The following RNF38 variants were observed in gnomAD, a reference collection of about 807,000 sequenced individuals.
The protein encoded by RNF38 is ring finger protein 38.
Under a neutral mutation model 67.2 loss-of-function variants are expected in RNF38, and 15 were observed. That is an observed-to-expected ratio of 0.22 (90% confidence interval 0.15 to 0.34). The LOEUF (loss-of-function observed/expected upper bound fraction) is 0.34, where lower values mean the gene tolerates loss of function less well. Among genes scored for constraint, RNF38 ranks in the 10% least tolerant of loss-of-function variants. The pLI is 1.00. For synonymous variants in RNF38, 220 were observed against 218.8 expected (o/e 1.01, Z -0.05); for missense variants, 524 against 639.9 (o/e 0.82, Z 1.95).
chr9:36,414,936 C>A (rs183834225), intron 2 of RNF38, among the ~76,000 whole-genome samples: 4 of 152,164 alleles, frequency 2.6e-5, no homozygotes, highest in Non-Finnish European at 5.9e-5. Flanking sequence ...GTTAATCTGA[C>A]AGGTTTTCCT....
chr9:36,344,900 A>G lies in RNF38; in HGVS notation c.1317T>C (p.Thr439=). ...RLGEAKPRGL[T]KADIEQLPSY... ...AAGGAAGTTGTTCAATATCTGCTTT[A>G]GTCAGTCCACGAGGCTTTGCCTCTC... Residue 439 remains threonine, a synonymous_variant, in exon 10 of 12, where the codon ACT becomes ACC. Coordinates refer to ENST00000259605, the MANE Select transcript of RNF38 (RefSeq NM_022781.5). 1.9e-6 allele frequency: 3 copies of G among 1,614,136 alleles called. No homozygotes were observed. Among genetic ancestry groups the G allele is most frequent in the Middle Eastern group, 1.7e-4 (1 of 6,060 alleles).
intron 1 of RNF38, among the ~76,000 whole-genome samples, chr9:36,426,815 G>A (rs2134248861): frequency 6.6e-6 from 1 of 152,260 alleles, no homozygotes; most frequent in South Asian, 2.1e-4. Flanking sequence ...TGTGAACTTA[G>A]GTAAGTCACT....
intron 2 of RNF38, among the ~76,000 whole-genome samples, chr9:36,376,627 T>A (rs1047701958): frequency 1.3e-5 from 2 of 152,116 alleles, no homozygotes; most frequent in Non-Finnish European, 2.9e-5. Context: ...TTATTTTTTT[T>A]AAAGAGAGTT....
intron 1 of RNF38, chr9:36,487,299 A>C: frequency 1.0e-6 from 1 of 984,638 alleles, no homozygotes; most frequent in South Asian, 4.7e-5. Flanking sequence ...CCGCTCCGGG[A>C]CCCCGTACCT....
intron 1 of RNF38, among the ~76,000 whole-genome samples, chr9:36,448,660 T>C (rs2134325233): frequency 6.6e-6 from 1 of 152,146 alleles, no homozygotes; most frequent in Non-Finnish European, 1.5e-5. Flanking sequence ...TCTTCAGAAA[T>C]TGCCTGCCCC....
At chr9:36,361,151 T>A (rs542699940) in intron 4 of RNF38, among the ~76,000 whole-genome samples, 1 of 151,732 alleles carries the variant, frequency 6.6e-6, no homozygotes, top group Non-Finnish European at 1.5e-5. Context: ...AGACATCAGA[T>A]TGTATAGTCA....
At chr9:36,429,911 A>G (rs1297542323) in intron 1 of RNF38, among the ~76,000 whole-genome samples, 1 of 152,216 alleles carries the variant, frequency 6.6e-6, no homozygotes, top group African/African-American at 2.4e-5. Flanking sequence ...TTTTCCATGC[A>G]GTTGGCTAAA....
intron 10 of RNF38, among the ~76,000 whole-genome samples, chr9:36,343,336 TGAGAGAA>T (rs1563992920): frequency 2.0e-5 from 3 of 152,218 alleles, no homozygotes; most frequent in Non-Finnish European, 4.4e-5. Context: ...ATCCCTGTTC[TGAGAGAA>T]GACATTTTTG....
intron 1 of RNF38, among the ~76,000 whole-genome samples, chr9:36,478,514 TAAAAA>T (rs751454586): frequency 8.0e-6 from 1 of 125,708 alleles, no homozygotes; most frequent in African/African-American, 2.9e-5. Context: ...TGTAAGTATT[TAAAAA>T]AAAAAAAAAA....
Position 36,356,470 on chromosome 9 carries a change from G to T in RNF38, c.742C>A (p.Leu248Ile). 6.3e-7 allele frequency: 1 copy of T among 1,577,842 alleles called. No homozygotes were observed. Among genetic ancestry groups the T allele is most frequent in the Non-Finnish European group, 8.6e-7 (1 of 1,163,784 alleles). Reference protein sequence around the residue: ...LPVCSVPPPMLQACSVQHLPV... With the variant: ...LPVCSVPPPMIQACSVQHLPV... ...AAGTGCTGAACTGAACATGCCTGAA[G>T]CATCTGTAAGAGAAACCATTACAGT... is the stretch of plus-strand genomic sequence containing the variant. The change falls in exon 6 of 12, where the codon CTT (leucine) becomes ATT (isoleucine). Residue 248 changes from leucine (L) to isoleucine (I), a missense_variant. By Grantham distance (5) the Leu-to-Ile change is conservative (BLOSUM62 2). Around this residue, in one of 2 missense-constraint regions of RNF38, gnomAD observed 461 missense variants for 517.4 expected, o/e 0.89. Coordinates refer to ENST00000259605, the MANE Select transcript of RNF38 (RefSeq NM_022781.5).
intron 1 of RNF38, among the ~76,000 whole-genome samples, chr9:36,434,209 T>C (rs1001414110): frequency 2.1e-5 from 3 of 141,384 alleles, no homozygotes; most frequent in Non-Finnish European, 3.1e-5. Context: ...GCACTCCAGC[T>C]TGCCGACAGA....
intron 1 of RNF38, among the ~76,000 whole-genome samples, chr9:36,482,246 T>C (rs1312955725): frequency 5.9e-5 from 9 of 151,384 alleles, no homozygotes; most frequent in Non-Finnish European, 1.3e-4. Flanking sequence ...AGAAACAGGC[T>C]TTCTCCACGT....
upstream of RNF38, among the ~76,000 whole-genome samples, chr9:36,402,940 A>G (rs1182804669): frequency 2.0e-5 from 3 of 151,748 alleles, no homozygotes; most frequent in Non-Finnish European, 4.4e-5. Flanking sequence ...GCAGTCTCAA[A>G]CTCCTGGGCT....
intron 1 of RNF38, among the ~76,000 whole-genome samples, chr9:36,476,519 CTTTT>C (rs67780076): frequency 1.1e-5 from 1 of 94,130 alleles, no homozygotes; most frequent in Admixed American, 1.2e-4. Flanking sequence ...ATCGGGCAAT[CTTTT>C]TTTTTTTTTT....
chr9:36,450,112 A>C (rs913182339), intron 1 of RNF38, among the ~76,000 whole-genome samples: 3 of 152,120 alleles, frequency 2.0e-5, no homozygotes, highest in Non-Finnish European at 2.9e-5. Context: ...AACCATTTTT[A>C]AGCATAAATT....
At chr9:36,355,709 A>T (rs187205761) in intron 6 of RNF38, among the ~76,000 whole-genome samples, 1 of 152,364 alleles carries the variant, frequency 6.6e-6, no homozygotes, top group Non-Finnish European at 1.5e-5. Context: ...GTAATAGAAC[A>T]CAAATTTAGA....
intron 1 of RNF38, among the ~76,000 whole-genome samples, chr9:36,451,421 G>A (rs1458414246): frequency 1.3e-5 from 2 of 149,752 alleles, no homozygotes; most frequent in Non-Finnish European, 3.0e-5. Flanking sequence ...AGCCGAGATG[G>A]CACCACTGCA....
intron 1 of RNF38, among the ~76,000 whole-genome samples, chr9:36,442,090 A>C (rs193058751): frequency 6.6e-6 from 1 of 152,298 alleles, no homozygotes; most frequent in East Asian, 1.9e-4. Context: ...GGGGAGAGTC[A>C]AATCTGTCCA....
intron 11 of RNF38, among the ~76,000 whole-genome samples, chr9:36,340,404 G>T (rs1791320931): frequency 6.6e-6 from 1 of 152,038 alleles, no homozygotes; most frequent in Non-Finnish European, 1.5e-5. Context: ...CCCGTTTTTT[G>T]AGACAGGGTT....
Sources: allele counts gnomAD v4.1 joint callset (sites outside exome capture counted in the v4.1 genomes callset), GRCh38; gene constraint gnomAD v4.1.1; regional missense constraint gnomAD v4.1.1; transcripts MANE v1.5; gene names NCBI Gene and HGNC (gene_info 2026-07-23, HGNC 2026-07-21).